Variants in SPOCK2 observed in about 807,000 individuals in gnomAD.
SPOCK2 encodes SPARC (osteonectin), cwcv and kazal like domains proteoglycan 2.
In SPOCK2, 39 loss-of-function variants were observed where a neutral mutation model predicts 60.1. The ratio of observed to expected loss-of-function variants is 0.65; its 90% CI spans 0.50 to 0.85. The LOEUF (loss-of-function observed/expected upper bound fraction) is 0.85, where lower values mean the gene tolerates loss of function less well. Among genes scored for constraint, SPOCK2 ranks in the 40% least tolerant of loss-of-function variants. SPOCK2 has a pLI of 0.00. For missense variants in SPOCK2, 523 were observed against 567.4 expected (o/e 0.92, Z 0.80); for synonymous variants, 217 against 231.5 (o/e 0.94, Z 0.57).
intron 1 of SPOCK2, among the ~76,000 whole-genome samples, chr10:72,074,331 C>A (rs1840687275): frequency 1.4e-5 from 2 of 144,498 alleles, no homozygotes. Flanking sequence ...CAGTTGGCAT[C>A]ACCACCGAGA....
At chr10:72,067,461 C>A in intron 7 of SPOCK2, 152 bp downstream of exon 7, 1 of 1,376,458 alleles carries the variant, frequency 7.3e-7, no homozygotes, top group African/African-American at 1.4e-5. Flanking sequence ...TGGAAGCCGA[C>A]TTCTTTGGGG....
chr10:72,069,978 CCTT>C (rs1564547332), intron 5 of SPOCK2: 1 of 197,182 alleles, frequency 5.1e-6, no homozygotes, highest in Non-Finnish European at 1.0e-5. Flanking sequence ...TGCCAGAGCT[CCTT>C]CTTCCACAGC....
chr10:72,063,731 G>A (rs967212521), intron 9 of SPOCK2, among the ~76,000 whole-genome samples: 3 of 152,206 alleles, frequency 2.0e-5, no homozygotes, highest in African/African-American at 7.2e-5. Context: ...TATGAGGCCA[G>A]GGAGTGCATC....
intron 1 of SPOCK2, chr10:72,086,638 C>T: frequency 8.2e-7 from 1 of 1,222,280 alleles, no homozygotes; most frequent in South Asian, 1.5e-5. Flanking sequence ...TCGGGAAGGC[C>T]TCGCGGGGCT....
rs113591078 is a variant in SPOCK2, at chr10:72,065,495, C to T, written c.929-1255G>A. Among the ~76,000 whole-genome samples the T allele has an allele frequency of 4.2e-3, 640 of 152,340 alleles. 6 individuals carry two copies. The highest frequency in any genetic ancestry group is 0.015 in the African/African-American group (604 of 41,578). The stretch of plus-strand genomic sequence containing the variant: ...GGTCTGTGTAAGTACTCCTATGATG[C>T]TTGCACAGTGACAAAATCACCTAAT... On this transcript the variant is annotated intron_variant, in intron 8 of 10. Transcript: ENST00000373109.
chr10:72,082,005 G>C (rs114992416), intron 1 of SPOCK2, among the ~76,000 whole-genome samples: 5,110 of 152,256 alleles, frequency 0.034, 278 homozygotes, highest in African/African-American at 0.12. Flanking sequence ...GGGTGGTAAG[G>C]TACACAAGGC....
upstream of SPOCK2, chr10:72,088,778 C>T (rs920245282): frequency 6.4e-6 from 1 of 155,452 alleles, no homozygotes; most frequent in Non-Finnish European, 1.4e-5. Context: ...TCCCTGAGCT[C>T]CCTCAAAGGA....
chr10:72,076,195 G>A (rs1840713178), intron 1 of SPOCK2, among the ~76,000 whole-genome samples: 1 of 152,188 alleles, frequency 6.6e-6, no homozygotes, highest in African/African-American at 2.4e-5. Flanking sequence ...TGACGAGGAA[G>A]TCCTCTGGGC....
intron 4 of SPOCK2, among the ~76,000 whole-genome samples, chr10:72,071,002 T>C (rs1484261034): frequency 1.3e-5 from 2 of 152,080 alleles, no homozygotes; most frequent in Non-Finnish European, 2.9e-5. Context: ...GAGTGGCCCG[T>C]GACCAAGCAC....
intron 5 of SPOCK2, 72 bp from the exon 6 acceptor site, chr10:72,068,373 C>CA: frequency 1.4e-6 from 2 of 1,441,974 alleles, no homozygotes; most frequent in Non-Finnish European, 1.9e-6. Flanking sequence ...GGGACACCCT[C>CA]AAGCCTCTCA....
chr10:72,073,133 G>A (rs1840671592), intron 1 of SPOCK2, among the ~76,000 whole-genome samples: 1 of 152,228 alleles, frequency 6.6e-6, no homozygotes, highest in African/African-American at 2.4e-5. Context: ...ACTGGCCTTA[G>A]GAGTAGCAGG....
chr10:72,079,995 G>A (rs1840762033), intron 1 of SPOCK2, among the ~76,000 whole-genome samples: 2 of 152,056 alleles, frequency 1.3e-5, no homozygotes, highest in Admixed American at 6.6e-5. Context: ...TCTGCAAGGG[G>A]ACTTTGTGAA....
Position 72,070,362 on chromosome 10 carries a change from C to T in SPOCK2, c.424G>A (p.Ala142Thr). Residue 142 changes from alanine (A) to threonine (T), a missense_variant, in exon 5 of 11, where the codon GCC (alanine) becomes ACC (threonine). By Grantham distance (58) the Ala-to-Thr change is moderately conservative. Transcript: ENST00000373109. ...KDSICKPCHM[A>T]QLASVCGSDG... is the part of the protein sequence containing the mutation. ...GAGCCGCAGACAGAGGCAAGCTGGG[C>T]CATGTGGCAGGGCTTGCAGATGGAG... 2 of 1,614,226 alleles carry T rather than the reference C, an allele frequency of 1.2e-6. No homozygotes were observed. Among genetic ancestry groups the T allele is most frequent in the South Asian group, 1.1e-5 (1 of 91,082 alleles).
chr10:72,072,579 G>A (rs775532213), intron 2 of SPOCK2, 31 bp from the exon 3 acceptor site: 69 of 1,613,516 alleles, frequency 4.3e-5, no homozygotes, highest in African/African-American at 5.3e-5. Flanking sequence ...AGGGAGAAGG[G>A]AAAGGCTAAG....
In SPOCK2 at chr10:72,064,220, G is replaced by C. The variant is rs201921584; in HGVS notation, c.949C>G (p.Leu317Val). ...GCCTCCTGGATCTGGATGCGCTCCA[G>C]CTCTGCCAGGCAGGGGGGCTCTGTG... ...WREKPPCLAELERIQIQEAAK... is the reference protein window; with the variant it reads ...WREKPPCLAEVERIQIQEAAK... The change falls in exon 9 of 11, where the codon CTG becomes GTG. Residue 317 changes from leucine to valine, a missense_variant. Coordinates refer to ENST00000373109, the MANE Select transcript of SPOCK2 (RefSeq NM_001244950.2). 8 of 1,606,742 alleles carry C rather than the reference G, an allele frequency of 5.0e-6. No individual in the cohort carries two copies. The Admixed American group carries it at 1.3e-4, about 27-fold the overall frequency.
rs778809001 is a variant in SPOCK2, at chr10:72,067,752, C to T, written c.590-20G>A. On this transcript the variant is annotated intron_variant, in intron 6 of 10. Transcript: ENST00000373109. The stretch of plus-strand genomic sequence containing the variant: ...AAGTCTCTGCAGAACAGAGAGAAGG[C>T]ATGGAGGGCGAATGTGCAGTGGAGC... The T allele has an allele frequency of 1.9e-6, 3 of 1,610,434 alleles. No homozygotes were observed. In the South Asian group the frequency reaches 3.3e-5, roughly 18 times the overall value.
chr10:72,063,208 GT>G (rs1265905118), intron 9 of SPOCK2, 46 bp from the exon 10 acceptor site: 1 of 1,549,434 alleles, frequency 6.5e-7, no homozygotes, highest in Non-Finnish European at 8.7e-7. Context: ...GGCCCAGGCT[GT>G]GGGCCCCTCA....
chr10:72,076,370 G>A (rs944478466), intron 1 of SPOCK2, among the ~76,000 whole-genome samples: 2 of 152,334 alleles, frequency 1.3e-5, no homozygotes, highest in Non-Finnish European at 2.9e-5. Context: ...TGGCACCCCA[G>A]TGGGCTCATT....
At chr10:72,081,627 T>C (rs1589125330) in intron 1 of SPOCK2, among the ~76,000 whole-genome samples, 1 of 152,240 alleles carries the variant, frequency 6.6e-6, no homozygotes, top group African/African-American at 2.4e-5. Flanking sequence ...AGACTGGCTG[T>C]AGCCAGGGAT....
Sources: gnomAD v4.1 joint callset for allele counts (sites outside exome capture counted in the v4.1 genomes callset) on GRCh38, gnomAD v4.1.1 for gene constraint, MANE v1.5 for transcripts, NCBI Gene and HGNC (gene_info 2026-07-23, HGNC 2026-07-21) for gene names.